Variants in NRXN3 observed in about 807,000 individuals in gnomAD.
The protein encoded by NRXN3 is neurexin 3.
Under a neutral mutation model 137.6 loss-of-function variants are expected in NRXN3, and 32 were observed. That is an observed-to-expected ratio of 0.23 (90% CI 0.18 to 0.31). The LOEUF is 0.31. Ranked by LOEUF, NRXN3 falls within the 10% of genes least tolerant of loss-of-function variation. NRXN3 has a pLI of 1.00. For missense variants in NRXN3, 1,574 were observed against 2,062.5 expected (o/e 0.76, Z 4.59); for synonymous variants, 798 against 784.5 (o/e 1.02, Z -0.29).
intron 4 of NRXN3, among the ~76,000 whole-genome samples, chr14:78,530,377 A>T (rs1268476636): frequency 6.6e-6 from 1 of 152,208 alleles, no homozygotes; most frequent in East Asian, 1.9e-4. Context: ...AGCAGAAGGA[A>T]ATTTACTTAG....
chr14:79,767,081 G>C (rs962235578), intron 19 of NRXN3, among the ~76,000 whole-genome samples: 11 of 152,152 alleles, frequency 7.2e-5, no homozygotes, highest in Admixed American at 6.5e-4. Context: ...TCTTGTTCTT[G>C]TGTAAAAATT....
chr14:79,579,366 A>G (rs1440548842), intron 16 of NRXN3, among the ~76,000 whole-genome samples: 1 of 142,004 alleles, frequency 7.0e-6, no homozygotes, highest in African/African-American at 2.8e-5. Context: ...ATATATATAT[A>G]TAATATATAT....
At chr14:79,089,861 G>T (rs2048836891) in intron 15 of NRXN3, among the ~76,000 whole-genome samples, 1 of 151,992 alleles carries the variant, frequency 6.6e-6, no homozygotes, top group African/African-American at 2.4e-5. Flanking sequence ...TCACCTCTTG[G>T]CTTCTTTCAG....
chr14:78,848,652 T>A (rs777174699), intron 10 of NRXN3, among the ~76,000 whole-genome samples: 50 of 152,314 alleles, frequency 3.3e-4, no homozygotes, highest in Non-Finnish European at 4.7e-4. Context: ...CTTCTGAAAT[T>A]GTTCAACACT....
At chr14:79,480,867 T>C (rs1600919157) in intron 16 of NRXN3, among the ~76,000 whole-genome samples, 2 of 152,236 alleles carry the variant, frequency 1.3e-5, no homozygotes, top group South Asian at 4.1e-4. Context: ...CCCCTTTGCC[T>C]CCTGCCATGA....
In NRXN3 at chr14:78,321,474, A is replaced by G. The variant is rs185403352; in HGVS notation, c.757+23614A>G. Reference sequence around the variant, plus strand: ...TGTATGTGAATACTCTTGTATGTGTATACCCTCTCTTTCCTTTCGTCTTCT... The same window carrying G: ...TGTATGTGAATACTCTTGTATGTGTGTACCCTCTCTTTCCTTTCGTCTTCT... On this transcript the variant is annotated intron_variant, in intron 4 of 20. Transcript: ENST00000335750. Among the ~76,000 whole-genome samples, 3 of 152,154 alleles carry G rather than the reference A, an allele frequency of 2.0e-5. 1 individual carries two copies. The highest frequency in any genetic ancestry group is 7.2e-5 in the African/African-American group (3 of 41,446).
chr14:78,767,841 G>A (rs2098713892), intron 8 of NRXN3, among the ~76,000 whole-genome samples: 1 of 152,078 alleles, frequency 6.6e-6, no homozygotes, highest in Admixed American at 6.6e-5. Flanking sequence ...CTAGAAGTAT[G>A]GGTTTGTCTA....
intron 17 of NRXN3, among the ~76,000 whole-genome samples, chr14:79,675,444 A>T (rs2098635547): frequency 1.3e-5 from 2 of 152,224 alleles, no homozygotes; most frequent in South Asian, 2.1e-4. Flanking sequence ...GTGATGAACC[A>T]CGTTTCCCCA....
Position 78,717,006 on chromosome 14 carries a change from T to C in NRXN3, c.2044+1867T>C, listed in dbSNP as rs1235381606. Among the ~76,000 whole-genome samples the C allele has an allele frequency of 3.9e-5, 6 of 152,212 alleles. 1 individual carries two copies. In the Middle Eastern group the frequency reaches 0.01, roughly 259 times the overall value. ...GTAGGGTAACCTACCCTGGTGCTGGTTGGGGAAGATAGAAAGGTCATTTTT... is the reference window on the plus strand; with the variant it reads ...GTAGGGTAACCTACCCTGGTGCTGGCTGGGGAAGATAGAAAGGTCATTTTT... On this transcript the variant is annotated intron_variant, in intron 8 of 20. Coordinates refer to ENST00000335750, the MANE Select transcript of NRXN3 (RefSeq NM_001330195.2).
At chr14:78,839,127 A>G (rs948730770) in intron 10 of NRXN3, among the ~76,000 whole-genome samples, 1 of 152,206 alleles carries the variant, frequency 6.6e-6, no homozygotes, top group South Asian at 2.1e-4. Context: ...CATAAGAGCC[A>G]TAAGGGGAAA....
intron 15 of NRXN3, among the ~76,000 whole-genome samples, chr14:79,223,458 A>T (rs1057098657): frequency 1.3e-5 from 2 of 152,148 alleles, no homozygotes; most frequent in Non-Finnish European, 2.9e-5. Context: ...CCTTTTAGAA[A>T]TTTACTGCCA....
At chr14:79,246,468 G>A (rs530967840) in intron 15 of NRXN3, among the ~76,000 whole-genome samples, 13 of 152,236 alleles carry the variant, frequency 8.5e-5, no homozygotes, top group African/African-American at 3.1e-4. Context: ...GATGCTAGCC[G>A]ATCCTCTCCA....
At chr14:78,435,769 C>T (rs1189086396) in intron 4 of NRXN3, among the ~76,000 whole-genome samples, 1 of 152,170 alleles carries the variant, frequency 6.6e-6, no homozygotes, top group Non-Finnish European at 1.5e-5. Context: ...GGTCACACAT[C>T]GACGTCCAGG....
chr14:79,667,644 A>C (rs149662870), intron 17 of NRXN3, among the ~76,000 whole-genome samples: 1 of 152,146 alleles, frequency 6.6e-6, no homozygotes, highest in East Asian at 1.9e-4. Flanking sequence ...CTGAAAAGCA[A>C]CTTCTTTCTT....
chr14:78,607,338 C>A (rs1186878521), intron 4 of NRXN3, among the ~76,000 whole-genome samples: 5 of 152,104 alleles, frequency 3.3e-5, no homozygotes, highest in East Asian at 1.9e-4. Flanking sequence ...TTGGCCTGCC[C>A]CCTTTGAGCT....
chr14:78,376,174 T>C (rs1432870215), intron 4 of NRXN3, among the ~76,000 whole-genome samples: 2 of 152,128 alleles, frequency 1.3e-5, no homozygotes, highest in African/African-American at 4.8e-5. Context: ...GGAGGCATCA[T>C]TGAAAGTTGC....
chr14:78,194,369 C>T (rs1242193270), intron 1 of NRXN3, among the ~76,000 whole-genome samples: 2 of 152,206 alleles, frequency 1.3e-5, no homozygotes, highest in African/African-American at 2.4e-5. Flanking sequence ...AGGTTAAACT[C>T]AACCCATTGC....
intron 15 of NRXN3, among the ~76,000 whole-genome samples, chr14:79,121,003 A>G (rs2055321127): frequency 6.6e-6 from 1 of 152,160 alleles, no homozygotes; most frequent in African/African-American, 2.4e-5. Flanking sequence ...TTGTCACTTG[A>G]GTTCTATTCA....
chr14:79,822,089 A>G (rs189560884), intron 20 of NRXN3, among the ~76,000 whole-genome samples: 8 of 152,308 alleles, frequency 5.3e-5, no homozygotes, highest in African/African-American at 1.7e-4. Context: ...TATTTTAGTC[A>G]CAAAGGGAAC....
Sources: gnomAD v4.1 joint callset for allele counts (sites outside exome capture counted in the v4.1 genomes callset) on GRCh38, gnomAD v4.1.1 for gene constraint, MANE v1.5 for transcripts, NCBI Gene and HGNC (gene_info 2026-07-23, HGNC 2026-07-21) for gene names.